Variants in PTCD2 observed in about 807,000 individuals in gnomAD.
The protein encoded by PTCD2 is pentatricopeptide repeat-containing protein 2, mitochondrial.
A neutral mutation model predicts 42.6 loss-of-function variants in PTCD2; 31 were observed. That is an observed-to-expected ratio of 0.73 (90% confidence interval 0.55 to 0.98). The LOEUF is 0.98. PTCD2 is among the 50% of genes least tolerant of loss of function. PTCD2 has a pLI of 0.00. For synonymous variants in PTCD2, 183 were observed against 170.9 expected, an observed-to-expected ratio of 1.07 and a Z score of -0.55; for missense variants, 476 against 454.8, an observed-to-expected ratio of 1.05 and a Z score of -0.42.
At chr5:72,337,724 C>T (rs1751828706) in intron 6 of PTCD2, among the ~76,000 whole-genome samples, 2 of 152,172 alleles carry the variant, frequency 1.3e-5, no homozygotes, top group Admixed American at 1.3e-4. Flanking sequence ...ACTGGGGAGG[C>T]AGACGTTGCG....
Position 72,361,053 on chromosome 5 carries a change from T to C in PTCD2, c.*2626T>C, listed in dbSNP as rs1311712866. 1 of 152,240 alleles carries C rather than the reference T, an allele frequency of 6.6e-6. No individual in the cohort carries two copies. The highest frequency in any genetic ancestry group is 1.5e-5 in the Non-Finnish European group (1 of 68,042). 9.4% of individuals were successfully genotyped at this position (152,240 alleles called of 1,614,324 possible). On this transcript the variant is annotated 3_prime_UTR_variant, in exon 10 of 10. Coordinates refer to ENST00000380639, the MANE Select transcript of PTCD2 (RefSeq NM_024754.5). ...CTTATTCCTTAACTCTGTTATGTGC[T>C]TTTGTAGATTGTTTTTACTTACTGT...
chr5:72,327,843 T>G (rs1751229562), intron 3 of PTCD2, among the ~76,000 whole-genome samples: 3 of 152,162 alleles, frequency 2.0e-5, no homozygotes, highest in Admixed American at 2.0e-4. Flanking sequence ...TAGAGAGAAA[T>G]ACAAGATAAT....
In PTCD2 at chr5:72,331,308, C is replaced by T. The variant is rs182906186; in HGVS notation, c.401C>T (p.Pro134Leu). Residue 134 changes from proline (P) to leucine (L), a missense_variant, in exon 4 of 10, where the codon CCG (proline) becomes CTG (leucine). By Grantham distance (98) the Pro-to-Leu change is moderately conservative. Coordinates refer to ENST00000380639, the MANE Select transcript of PTCD2 (RefSeq NM_024754.5). Reference protein sequence around the residue: ...NFTLGEYKFGPLFVRLCYELD... With the variant: ...NFTLGEYKFGLLFVRLCYELD... ...ACTTTGGGGGAGTATAAATTTGGAC[C>T]GCTTTTTGTGAGGTTGTGTTACGAG... 3.0e-5 allele frequency: 49 copies of T among 1,613,864 alleles called. No homozygotes were observed. In the East Asian group the frequency reaches 7.4e-4, roughly 24 times the overall value.
intron 6 of PTCD2, among the ~76,000 whole-genome samples, chr5:72,337,516 C>T (rs1000947180): frequency 4.6e-5 from 7 of 152,124 alleles, no homozygotes; most frequent in Non-Finnish European, 1.0e-4. Flanking sequence ...TACTTAGAGG[C>T]CATGCACAGT....
At chr5:72,324,308 C>T (rs185560369) in intron 2 of PTCD2, among the ~76,000 whole-genome samples, 3 of 152,280 alleles carry the variant, frequency 2.0e-5, no homozygotes, top group Admixed American at 2.0e-4. Flanking sequence ...TCCTGTCAAC[C>T]TTTCATCATT....
chr5:72,320,649 A>C, intron 1 of PTCD2, 140 bp downstream of exon 1: 1 of 1,224,776 alleles, frequency 8.2e-7, no homozygotes, highest in Non-Finnish European at 1.1e-6. Flanking sequence ...CTCTAGTTGC[A>C]CGTGGGTGCA....
At chr5:72,343,787 T>C (rs1208864890) in intron 8 of PTCD2, among the ~76,000 whole-genome samples, 1 of 152,046 alleles carries the variant, frequency 6.6e-6, no homozygotes, top group East Asian at 1.9e-4. Flanking sequence ...TCACAAAACC[T>C]TCCTGGACCA....
At chr5:72,347,956 G>A (rs1283416653) in intron 8 of PTCD2, among the ~76,000 whole-genome samples, 1 of 152,186 alleles carries the variant, frequency 6.6e-6, no homozygotes, top group Non-Finnish European at 1.5e-5. Context: ...AAGTAACTTT[G>A]AAGTGATACT....
intron 8 of PTCD2, among the ~76,000 whole-genome samples, chr5:72,343,864 C>T (rs1246425164): frequency 6.6e-6 from 1 of 152,246 alleles, no homozygotes; most frequent in East Asian, 1.9e-4. Context: ...TATTGAGACT[C>T]CTTGTATACT....
chr5:72,335,093 A>G lies in PTCD2; in HGVS notation c.544A>G (p.Lys182Glu), dbSNP rs746004431. 45 of 1,516,808 alleles carry G rather than the reference A, an allele frequency of 3.0e-5. No homozygotes were observed. Among genetic ancestry groups the G allele is most frequent in the African/African-American group, 4.1e-5 (3 of 72,982 alleles). The allele number at this position is 1,516,808 out of a possible 1,614,324, so 94.0% of individuals were successfully genotyped here. The change falls in exon 5 of 10, where the codon AAA (lysine) becomes GAA (glutamate). Residue 182 changes from lysine (K) to glutamate (E), a missense_variant. By Grantham distance (56) the Lys-to-Glu change is moderately conservative. Transcript: ENST00000380639. ...TATGTTATTTATCAAAGGCAAATAT[A>G]AAAGTAAGTACTGCAATTTCTATTT... ...MDMLFIKGKY[K>E]SALQVLIEMK... is the part of the protein sequence containing the mutation.
intron 2 of PTCD2, 68 bp from the exon 3 acceptor site, chr5:72,326,544 C>T: frequency 6.4e-7 from 1 of 1,574,710 alleles, no homozygotes; most frequent in Admixed American, 1.7e-5. Flanking sequence ...TCCCCATCTT[C>T]CTGAGGTCAG....
At chr5:72,346,747 T>C (rs1270396501) in intron 8 of PTCD2, among the ~76,000 whole-genome samples, 1 of 152,190 alleles carries the variant, frequency 6.6e-6, no homozygotes, top group East Asian at 1.9e-4. Context: ...TAATTGCTTC[T>C]GAGAGAGAGA....
chr5:72,347,997 A>G (rs962056509), intron 8 of PTCD2, among the ~76,000 whole-genome samples: 1 of 152,232 alleles, frequency 6.6e-6, no homozygotes, highest in African/African-American at 2.4e-5. Context: ...GAACTGCGTC[A>G]CAGAATTACC....
intron 3 of PTCD2, among the ~76,000 whole-genome samples, chr5:72,329,495 C>T (rs1236812300): frequency 6.6e-6 from 1 of 152,142 alleles, no homozygotes; most frequent in East Asian, 1.9e-4. Flanking sequence ...CTTTCTAGCA[C>T]TTTTATTAAT....
At position 72,335,003 on chromosome 5, in the gene PTCD2, G is replaced by T; in HGVS notation, c.469-15G>T. 1 of 1,533,096 alleles carries T rather than the reference G, an allele frequency of 6.5e-7. No individual in the cohort carries two copies. Among genetic ancestry groups the T allele is most frequent in the Non-Finnish European group, 9.0e-7 (1 of 1,107,134 alleles). The allele number at this position is 1,533,096 out of a possible 1,614,324, so 95.0% of individuals were successfully genotyped here. ...TTTTAACTTTTAACCAAACTGTATTGTTCTTCTTCGTTAGCATTTACGAGG... is the reference window on the plus strand; with the variant it reads ...TTTTAACTTTTAACCAAACTGTATTTTTCTTCTTCGTTAGCATTTACGAGG... On this transcript the variant is annotated splice_polypyrimidine_tract_variant and intron_variant, in intron 4 of 9. Transcript: ENST00000380639.
rs978533894 is a variant in PTCD2, at chr5:72,362,304, T to G, written c.*3877T>G. 1.3e-5 allele frequency: 2 copies of G among 152,058 alleles called. No individual in the cohort carries two copies. The highest frequency in any genetic ancestry group is 6.6e-5 in the Admixed American group (1 of 15,266). The allele number at this position is 152,058 out of a possible 1,614,324, so 9.4% of individuals were successfully genotyped here. On this transcript the variant is annotated 3_prime_UTR_variant, in exon 10 of 10. Transcript: ENST00000380639. ...TCATTATAAAACAAGCCCAAAGAAA[T>G]TTGGTCACCCCTTCCTTTAAGCGAG...
chr5:72,344,136 G>A (rs1351021365), intron 8 of PTCD2, among the ~76,000 whole-genome samples: 1 of 152,200 alleles, frequency 6.6e-6, no homozygotes, highest in African/African-American at 2.4e-5. Context: ...CTCTAGAGGA[G>A]GACAGGACTG....
chr5:72,349,691 A>G (rs1412676220), intron 8 of PTCD2, among the ~76,000 whole-genome samples: 4 of 152,142 alleles, frequency 2.6e-5, no homozygotes, highest in Non-Finnish European at 5.9e-5. Context: ...TTCCTTACCA[A>G]CTGAGTTTCC....
intron 6 of PTCD2, among the ~76,000 whole-genome samples, chr5:72,337,218 C>T (rs971633342): frequency 1.3e-5 from 2 of 152,096 alleles, no homozygotes; most frequent in African/African-American, 4.8e-5. Context: ...ATGTCTCTGC[C>T]TCATGTGATC....
Sources: gnomAD v4.1 joint callset for allele counts (sites outside exome capture counted in the v4.1 genomes callset) on GRCh38, gnomAD v4.1.1 for gene constraint, MANE v1.5 for transcripts, NCBI Gene and HGNC (gene_info 2026-07-23, HGNC 2026-07-21) for gene names.